The following KDELR2 variants were observed in gnomAD, a reference collection of about 807,000 sequenced individuals.
KDELR2 encodes the protein ER lumen protein-retaining receptor 2.
Under a neutral mutation model 23.9 loss-of-function variants are expected in KDELR2, and 15 were observed. The ratio of observed to expected loss-of-function variants is 0.63; its 90% CI spans 0.42 to 0.97. The LOEUF (loss-of-function observed/expected upper bound fraction) is 0.97. Among genes scored for constraint, KDELR2 ranks in the 50% least tolerant of loss-of-function variants. The pLI is 0.00. For missense variants in KDELR2, 272 were observed against 254.6 expected (o/e 1.07, Z -0.46); for synonymous variants, 119 against 106.2 (o/e 1.12, Z -0.74).
chr7:6,471,945 G>A (rs979767624), intron 2 of KDELR2, among the ~76,000 whole-genome samples: 1 of 151,418 alleles, frequency 6.6e-6, no homozygotes, highest in African/African-American at 2.4e-5. Flanking sequence ...TCTGTCACCA[G>A]GCTGGAGTGC....
At chr7:6,465,587 T>C (rs1785487868) in intron 4 of KDELR2, among the ~76,000 whole-genome samples, 1 of 152,022 alleles carries the variant, frequency 6.6e-6, no homozygotes, top group African/African-American at 2.4e-5. Flanking sequence ...TACACAAGGA[T>C]GCTGATTTAA....
In KDELR2 at chr7:6,462,138, C is replaced by A. The variant is rs1785401831; in HGVS notation, c.*1003G>T. 6.6e-6 allele frequency: 1 copy of A among 151,854 alleles called. No individual in the cohort carries two copies. Among genetic ancestry groups the A allele is most frequent in the Admixed American group, 6.6e-5 (1 of 15,228 alleles). 9.4% of individuals were successfully genotyped at this position (151,854 alleles called of 1,614,324 possible). On this transcript the variant is annotated 3_prime_UTR_variant, in exon 5 of 5. Transcript: ENST00000258739. ...GGCTGCGGGTTAAATAAAAAGAAAA[C>A]CACACATACAAAAAAGAATGTAAGG...
intron 1 of KDELR2, among the ~76,000 whole-genome samples, chr7:6,474,576 T>C (rs566241961): frequency 6.6e-6 from 1 of 152,196 alleles, no homozygotes; most frequent in Non-Finnish European, 1.5e-5. Flanking sequence ...ACCTTTTACT[T>C]CTCAAATATA....
At position 6,463,046 on chromosome 7, in the gene KDELR2, T is replaced by G; in HGVS notation, c.*95A>C. 5 of 1,614,212 alleles carry G rather than the reference T, an allele frequency of 3.1e-6. No homozygotes were observed. The highest frequency in any genetic ancestry group is 4.2e-6 in the Non-Finnish European group (5 of 1,180,028). ...CTATCTGCAACAAAAGAGTTAAGTTTCTGATTTTCCGTATCAAGCATCTTA... is the reference window on the plus strand; with the variant it reads ...CTATCTGCAACAAAAGAGTTAAGTTGCTGATTTTCCGTATCAAGCATCTTA... On this transcript the variant is annotated 3_prime_UTR_variant, in exon 5 of 5. Transcript: ENST00000258739.
intron 1 of KDELR2, among the ~76,000 whole-genome samples, chr7:6,478,235 A>T (rs1055482053): frequency 6.6e-6 from 1 of 151,852 alleles, no homozygotes; most frequent in Non-Finnish European, 1.5e-5. Flanking sequence ...AGCTCGCTGC[A>T]GCCTGGGGCT....
At chr7:6,475,222 C>T (rs903640144) in intron 1 of KDELR2, among the ~76,000 whole-genome samples, 2 of 152,098 alleles carry the variant, frequency 1.3e-5, no homozygotes, top group African/African-American at 4.8e-5. Flanking sequence ...GCGGGAGAAT[C>T]GCTTGAGCCC....
chr7:6,483,513 C>T (rs1323279649), intron 1 of KDELR2, among the ~76,000 whole-genome samples: 2 of 152,184 alleles, frequency 1.3e-5, no homozygotes, highest in Non-Finnish European at 2.9e-5. Context: ...TGGGCTGCCA[C>T]GTCAGGCGCA....
In KDELR2 at chr7:6,466,213, G is replaced by C; in HGVS notation, c.462C>G (p.Phe154Leu). The change falls in exon 4 of 5, where the codon TTC (phenylalanine) becomes TTG (leucine). Residue 154 changes from phenylalanine to leucine, a missense_variant. Transcript: ENST00000258739. Reference protein sequence around the residue: ...AETITTHYLFFLGLYRALYLV... With the variant: ...AETITTHYLFLLGLYRALYLV... ...GATACAAAGCACGATAGAGGCCCAG[G>C]AAGAACAGGTAGTGGGTGGTGATGG... 6.2e-7 allele frequency: 1 copy of C among 1,614,200 alleles called. No homozygotes were observed. The highest frequency in any genetic ancestry group is 8.5e-7 in the Non-Finnish European group (1 of 1,180,036).
rs1226279430 is a variant in KDELR2 at position 6,463,146 on chromosome 7, C to T, written c.634G>A (p.Ala212Thr). ...CTGGTGATGGTCTTTGGCACTTATG[C>T]TGGCAAACTGAGCTTCTTTCCCTTG... The part of the protein sequence containing the change: ...VLKGKKLSLP[A>T] The change falls in exon 5 of 5, where the codon GCA (alanine) becomes ACA (threonine). Residue 212 changes from alanine to threonine, a missense_variant. By Grantham distance (58) the Ala-to-Thr change is moderately conservative. Transcript: ENST00000258739. 7.4e-6 allele frequency: 12 copies of T among 1,613,910 alleles called. No individual in the cohort carries two copies. The South Asian group carries it at 1.2e-4, about 16-fold the overall frequency.
In KDELR2 at chr7:6,466,196, GC is replaced by G; in HGVS notation, c.478del (p.Ala160LeufsTer26). 6.2e-7 allele frequency: 1 copy of G among 1,614,194 alleles called. No individual in the cohort carries two copies. Among genetic ancestry groups the G allele is most frequent in the Non-Finnish European group, 8.5e-7 (1 of 1,180,040 alleles). On this transcript the variant is annotated frameshift_variant, in exon 4 of 5. Coordinates refer to ENST00000258739, the MANE Select transcript of KDELR2 (RefSeq NM_006854.4). LOFTEE classifies it high-confidence loss of function. ...HYLFFLGLYR[A>X]LYLVNWIWRF... is the part of the protein sequence containing the mutation. ...CCAGATCCAGTTGACAAGATACAAA[GC>G]ACGATAGAGGCCCAGGAAGAACAGG...
chr7:6,471,943 C>T (rs1785654310), intron 2 of KDELR2, among the ~76,000 whole-genome samples: 1 of 151,088 alleles, frequency 6.6e-6, no homozygotes, highest in South Asian at 2.1e-4. Context: ...GCTCTGTCAC[C>T]AGGCTGGAGT....
intron 2 of KDELR2, among the ~76,000 whole-genome samples, chr7:6,472,371 G>A (rs957158732): frequency 6.6e-6 from 1 of 152,138 alleles, no homozygotes; most frequent in Non-Finnish European, 1.5e-5. Flanking sequence ...AGAAGTTAAA[G>A]TAAAAAGACA....
chr7:6,482,658 A>G, intron 1 of KDELR2: 1 of 443,928 alleles, frequency 2.3e-6, no homozygotes, highest in Non-Finnish European at 4.7e-6. Flanking sequence ...TAAATCAGGT[A>G]AATAGAGTCT....
intron 4 of KDELR2, among the ~76,000 whole-genome samples, chr7:6,464,607 G>A (rs1040102287): frequency 2.0e-5 from 3 of 152,036 alleles, no homozygotes; most frequent in African/African-American, 7.2e-5. Context: ...CAGCAGACTC[G>A]CTTGAACTTG....
rs1785400814 is a variant in KDELR2, at chr7:6,462,099, G to GA, written c.*1041dup. On this transcript the variant is annotated 3_prime_UTR_variant, in exon 5 of 5. Transcript: ENST00000258739. Reference sequence around the variant, plus strand: ...AGCTCTGTAAAACAAAACAAAACAAGAAACTACGATGTCGGCTGCGGGTTA... The same window carrying GA: ...AGCTCTGTAAAACAAAACAAAACAAGAAAACTACGATGTCGGCTGCGGGTTA... 1 of 151,970 alleles carries GA rather than the reference G, an allele frequency of 6.6e-6. No homozygotes were observed. Among genetic ancestry groups the GA allele is most frequent in the East Asian group, 1.9e-4 (1 of 5,174 alleles). The allele number at this position is 151,970 out of a possible 1,614,324, so 9.4% of individuals were successfully genotyped here. A position where few individuals can be genotyped will look rare whatever the true frequency, so the allele number is the denominator to read the frequency against.
intron 4 of KDELR2, among the ~76,000 whole-genome samples, chr7:6,464,830 G>A (rs1005686635): frequency 2.0e-5 from 3 of 151,152 alleles, no homozygotes; most frequent in African/African-American, 7.3e-5. Flanking sequence ...CTGCCTCCCG[G>A]GTTCAAGAGA....
chr7:6,474,276 C>T lies in KDELR2; in HGVS notation c.100G>A (p.Gly34Arg), dbSNP rs1785710397. ...WKTRSCAGIS[G>R]KSQLLFALVF... ...AGTGCAAACAGAAGCTGGCTTTTCC[C>T]AGAAATACCTAGAGAAACAGAAGGG... The change falls in exon 2 of 5, where the codon GGG (glycine) becomes AGG (arginine). Residue 34 changes from glycine to arginine, a missense_variant. By Grantham distance (125) the Gly-to-Arg change is moderately radical (BLOSUM62 -2). Transcript: ENST00000258739. 1 of 1,610,086 alleles carries T rather than the reference C, an allele frequency of 6.2e-7. No homozygotes were observed.
chr7:6,478,703 C>G (rs1204582172), intron 1 of KDELR2, among the ~76,000 whole-genome samples: 7 of 152,220 alleles, frequency 4.6e-5, no homozygotes, highest in Admixed American at 4.6e-4. Flanking sequence ...TCCTCACCAG[C>G]CTTCCTGGGT....
At chr7:6,478,265 A>C (rs1785797655) in intron 1 of KDELR2, among the ~76,000 whole-genome samples, 1 of 151,796 alleles carries the variant, frequency 6.6e-6, no homozygotes. Flanking sequence ...CTCCCTCCTT[A>C]GCCACCTGAG....
Sources: gnomAD v4.1 joint callset for allele counts (sites outside exome capture counted in the v4.1 genomes callset) on GRCh38, gnomAD v4.1.1 for gene constraint, MANE v1.5 for transcripts, NCBI Gene and HGNC (gene_info 2026-07-23, HGNC 2026-07-21) for gene names.